ZBTB7B: variants seen among roughly 807,000 people sequenced by gnomAD.
ZBTB7B encodes the protein zinc finger and BTB domain-containing protein 7B.
A neutral mutation model predicts 31.0 loss-of-function variants in ZBTB7B; 8 were observed. The ratio of observed to expected loss-of-function variants is 0.26; its 90% CI spans 0.15 to 0.47. The LOEUF (loss-of-function observed/expected upper bound fraction) is 0.47, where lower values mean the gene tolerates loss of function less well. Ranked by LOEUF, ZBTB7B falls within the 20% of genes least tolerant of loss-of-function variation. The pLI is 0.99. For missense variants in ZBTB7B, 494 were observed against 742.4 expected, an observed-to-expected ratio of 0.67 and a Z score of 3.89; for synonymous variants, 261 against 307.3, an observed-to-expected ratio of 0.85 and a Z score of 1.58.
At chr1:155,012,673 G>A (rs778365926) in intron 1 of ZBTB7B, among the ~76,000 whole-genome samples, 5 of 151,960 alleles carry the variant, frequency 3.3e-5, no homozygotes, top group Admixed American at 6.6e-5. Context: ...ACATGCGGGT[G>A]CTGCTCACCC....
Position 155,014,682 on chromosome 1 carries a change from C to T in ZBTB7B, c.22C>T (p.Leu8=), listed in dbSNP as rs111950871. The change falls in exon 2 of 3, where the codon CTG becomes TTG. Residue 8 remains leucine, a synonymous_variant. Coordinates refer to ENST00000535420, the MANE Select transcript of ZBTB7B (RefSeq NM_001256455.2). ...GAAGATGGGGAGCCCCGAGGATGAC[C>T]TGATTGGGATTCCATTCCCGGACCA... MGSPEDD[L]IGIPFPDHSS... is the part of the protein sequence containing the mutation. 1.6e-4 allele frequency: 258 copies of T among 1,613,564 alleles called. 1 individual carries two copies. In the African/African-American group the frequency reaches 2.8e-3, roughly 18 times the overall value.
At chr1:155,013,756 C>T (rs562964268) in intron 1 of ZBTB7B, among the ~76,000 whole-genome samples, 6 of 97,138 alleles carry the variant, frequency 6.2e-5, no homozygotes, top group Non-Finnish European at 2.2e-5. Context: ...GGGGAGGGGG[C>T]GGGGGCGATG....
chr1:155,015,469 A>C lies in ZBTB7B; in HGVS notation c.809A>C (p.Tyr270Ser). ...TASPPEGPQS[Y>S]EPYEGEEEEE... ...TCCCCTCCTGAGGGTCCCCAGAGCT[A>C]CGAACCCTATGAGGGTGAGGAAGAA... is the stretch of plus-strand genomic sequence containing the variant. Residue 270 changes from tyrosine (Y) to serine (S), a missense_variant, in exon 2 of 3, where the codon TAC becomes TCC. Around this residue, in one of 5 missense-constraint regions of ZBTB7B, gnomAD observed 216 missense variants for 229.3 expected, o/e 0.94. Coordinates refer to ENST00000535420, the MANE Select transcript of ZBTB7B (RefSeq NM_001256455.2). The C allele has an allele frequency of 1.2e-6, 2 of 1,604,494 alleles. No individual in the cohort carries two copies. The highest frequency in any genetic ancestry group is 2.2e-5 in the South Asian group (2 of 90,378).
In ZBTB7B at chr1:155,016,394, C is replaced by T. The variant is rs146374595; in HGVS notation, c.1329C>T (p.Asp443=). The T allele has an allele frequency of 1.4e-3, 2,202 of 1,614,164 alleles. 25 individuals are homozygous for T. In the South Asian group the frequency reaches 0.015, roughly 11 times the overall value. Residue 443 remains aspartate (D), a synonymous_variant, in exon 3 of 3, where the codon GAC becomes GAT. Coordinates refer to ENST00000535420, the MANE Select transcript of ZBTB7B (RefSeq NM_001256455.2). The surrounding 1 kb of genome is among the most constrained non-coding windows in gnomAD (Gnocchi z 4.3). ...HLCHKAFAKE[D]HLQRHLKGQN... ...GCCACAAGGCTTTCGCCAAGGAGGA[C>T]CACCTGCAGCGCCACCTCAAAGGCC... is the stretch of plus-strand genomic sequence containing the variant.
intron 1 of ZBTB7B, chr1:155,010,998 C>T (rs1481790847): frequency 6.5e-7 from 1 of 1,535,502 alleles, no homozygotes. Flanking sequence ...CTCTCAGGCT[C>T]CCTGGCAGAG....
rs1205494311 is a variant in ZBTB7B at position 155,015,083 on chromosome 1, G to T, written c.423G>T (p.Leu141=). 5.0e-6 allele frequency: 8 copies of T among 1,613,658 alleles called. No homozygotes were observed. Among genetic ancestry groups the T allele is most frequent in the Non-Finnish European group, 5.9e-6 (7 of 1,180,038 alleles). The change falls in exon 2 of 3, where the codon CTG becomes CTT. Residue 141 remains leucine, a synonymous_variant. Coordinates refer to ENST00000535420, the MANE Select transcript of ZBTB7B (RefSeq NM_001256455.2). ...TCATCGCTGCTTGCATGGAGATTCT[G>T]CAGGGCAGTGGGCTAGAAGCTCCCA... The part of the protein sequence containing the change: ...PCVIAACMEI[L]QGSGLEAPSP...
chr1:155,011,343 T>C (rs895025045), intron 1 of ZBTB7B, among the ~76,000 whole-genome samples: 3 of 152,228 alleles, frequency 2.0e-5, no homozygotes, highest in African/African-American at 7.2e-5. Flanking sequence ...CTCCACCTTT[T>C]GGTTTCTTGG....
rs1558094332 is a variant in ZBTB7B at position 155,017,570 on chromosome 1, C to CATGA, written c.*885_*886insATGA. 2.6e-5 allele frequency: 4 copies of CATGA among 154,544 alleles called. No individual in the cohort carries two copies. The highest frequency in any genetic ancestry group is 9.6e-5 in the African/African-American group (4 of 41,490). The allele number at this position is 154,544 out of a possible 1,614,324, so 9.6% of individuals were successfully genotyped here. ...CGGAGCCGCCGCCACCGCTGCCGCC[C>CATGA]CTGACTCACGCCGCCCCCGGGCTGG... On this transcript the variant is annotated 3_prime_UTR_variant, in exon 3 of 3. Transcript: ENST00000535420.
chr1:155,017,315 G>A lies in ZBTB7B; in HGVS notation c.*630G>A, dbSNP rs1435907276. On this transcript the variant is annotated 3_prime_UTR_variant, in exon 3 of 3. Transcript: ENST00000535420. ...CTGAGTCATGGGGTCGTGGAGAAGG[G>A]GGCGGGGTGGCCTGATTGGCTCGCC... 2 of 131,716 alleles carry A rather than the reference G, an allele frequency of 1.5e-5. No homozygotes were observed. Among genetic ancestry groups the A allele is most frequent in the East Asian group, 4.2e-4 (2 of 4,748 alleles). The allele number at this position is 131,716 out of a possible 1,614,324, so 8.2% of individuals were successfully genotyped here.
Position 155,004,003 on chromosome 1 carries a change from G to T in ZBTB7B, c.-7+1060G>T, listed in dbSNP as rs1658409031. On this transcript the variant is annotated intron_variant, in intron 1 of 2. Coordinates refer to ENST00000535420, the MANE Select transcript of ZBTB7B (RefSeq NM_001256455.2). The surrounding 1 kb of genome is among the most constrained non-coding windows in gnomAD (Gnocchi z 4.0). ...AGAGAGGGCGGGTCCCCTGCCCCCC[G>T]CCCCGCACAACCCCCACGTATCAAA... 6.6e-6 allele frequency among the ~76,000 whole-genome samples: 1 copy of T among 152,130 alleles called. No individual in the cohort carries two copies. The highest frequency in any genetic ancestry group is 6.5e-5 in the Admixed American group (1 of 15,286).
In ZBTB7B at chr1:155,017,986, A is replaced by C; in HGVS notation, c.*1301A>C. 1 of 158,216 alleles carries C rather than the reference A, an allele frequency of 6.3e-6. No individual in the cohort carries two copies. Among genetic ancestry groups the C allele is most frequent in the South Asian group, 1.7e-4 (1 of 5,746 alleles). 9.8% of individuals were successfully genotyped at this position (158,216 alleles called of 1,614,324 possible). A position where few individuals can be genotyped will look rare whatever the true frequency, so the allele number is the denominator to read the frequency against. ...CTAGTTTCAGATTTTTAACTACCCA[A>C]TTCTGCTGGGGGTGGGGGACACCCC... On this transcript the variant is annotated 3_prime_UTR_variant, in exon 3 of 3. Coordinates refer to ENST00000535420, the MANE Select transcript of ZBTB7B (RefSeq NM_001256455.2).
chr1:155,007,828 T>G (rs1387227146), intron 1 of ZBTB7B, among the ~76,000 whole-genome samples: 11 of 152,026 alleles, frequency 7.2e-5, no homozygotes, highest in Non-Finnish European at 1.3e-4. Flanking sequence ...GCCAGCGGCA[T>G]TGAGCCAGCA....
At position 155,017,360 on chromosome 1, in the gene ZBTB7B, G is replaced by A. The variant is rs1009430618; in HGVS notation, c.*675G>A. ...CTCGCCTGCCCCTGGGGGCAGTAGA[G>A]GGGCCCCGCCCAGCTAGGGGAGCCG... On this transcript the variant is annotated 3_prime_UTR_variant, in exon 3 of 3. Transcript: ENST00000535420. 6.6e-6 allele frequency: 1 copy of A among 152,436 alleles called. No homozygotes were observed. The highest frequency in any genetic ancestry group is 2.4e-5 in the African/African-American group (1 of 41,416). The allele number at this position is 152,436 out of a possible 1,614,324, so 9.4% of individuals were successfully genotyped here. A position where few individuals can be genotyped will look rare whatever the true frequency, so the allele number is the denominator to read the frequency against.
chr1:155,011,060 G>A (rs1339961483), intron 1 of ZBTB7B: 1 of 1,458,420 alleles, frequency 6.9e-7, no homozygotes, highest in South Asian at 1.2e-5. Flanking sequence ...GCGTGCCTGT[G>A]TCCCAGGCCC....
At chr1:155,007,497 C>T (rs150107452) in intron 1 of ZBTB7B, among the ~76,000 whole-genome samples, 2,126 of 152,284 alleles carry the variant, frequency 0.014, 21 homozygotes, top group Non-Finnish European at 0.023. Flanking sequence ...GAGACACTGG[C>T]CCCCACCCTG....
chr1:155,018,419 C>T lies in ZBTB7B; in HGVS notation c.*1734C>T. 2 of 986,708 alleles carry T rather than the reference C, an allele frequency of 2.0e-6. No homozygotes were observed. Among genetic ancestry groups the T allele is most frequent in the Middle Eastern group, 3.3e-4 (1 of 3,026 alleles). 61.1% of individuals were successfully genotyped at this position (986,708 alleles called of 1,614,324 possible). ...CTACTTTCGGCTTTCCCAGTCAGTGCCTTAGGGGGAGAGGCACTCCCCCCC... is the reference window on the plus strand; with the variant it reads ...CTACTTTCGGCTTTCCCAGTCAGTGTCTTAGGGGGAGAGGCACTCCCCCCC... On this transcript the variant is annotated 3_prime_UTR_variant, in exon 3 of 3. Transcript: ENST00000535420.
Position 155,015,587 on chromosome 1 carries a change from C to T in ZBTB7B, c.927C>T (p.Ala309=). ...AGGAGCTGGGCTCAGATGAGGATGCCATCGATCCTGACCTGATGGCCTACC... is the reference window on the plus strand; with the variant it reads ...AGGAGCTGGGCTCAGATGAGGATGCTATCGATCCTGACCTGATGGCCTACC... ...SPEELGSDED[A]IDPDLMAYLS... Residue 309 remains alanine (A), a synonymous_variant, in exon 2 of 3, where the codon GCC becomes GCT. Coordinates refer to ENST00000535420, the MANE Select transcript of ZBTB7B (RefSeq NM_001256455.2). The T allele has an allele frequency of 6.2e-7, 1 of 1,613,684 alleles. No individual in the cohort carries two copies. Among genetic ancestry groups the T allele is most frequent in the Non-Finnish European group, 8.5e-7 (1 of 1,179,920 alleles).
Position 155,015,251 on chromosome 1 carries a change from T to C in ZBTB7B, c.591T>C (p.Val197=). Residue 197 remains valine (V), a synonymous_variant, in exon 2 of 3, where the codon GTT becomes GTC. Coordinates refer to ENST00000535420, the MANE Select transcript of ZBTB7B (RefSeq NM_001256455.2). Reference sequence around the variant, plus strand: ...CTCCGCCACCGCCACCTCGGCCTGTTGCCCGCCGCAGCCGCAAGCCCCGGA... The same window carrying C: ...CTCCGCCACCGCCACCTCGGCCTGTCGCCCGCCGCAGCCGCAAGCCCCGGA... ...PPPPPPPPRP[V]ARRSRKPRKA... The C allele has an allele frequency of 6.2e-7, 1 of 1,613,660 alleles. No individual in the cohort carries two copies. Among genetic ancestry groups the C allele is most frequent in the Non-Finnish European group, 8.5e-7 (1 of 1,179,966 alleles).
At chr1:155,005,728 C>T (rs886098973) in intron 1 of ZBTB7B, among the ~76,000 whole-genome samples, 5 of 152,218 alleles carry the variant, frequency 3.3e-5, no homozygotes, top group Admixed American at 1.3e-4. Context: ...TGGGGACAGG[C>T]AGATGGATAG....
Sources: allele counts gnomAD v4.1 joint callset (sites outside exome capture counted in the v4.1 genomes callset), GRCh38; gene constraint gnomAD v4.1.1; regional missense constraint gnomAD v4.1.1; non-coding constraint Gnocchi (gnomAD v3.1); transcripts MANE v1.5; gene names NCBI Gene and HGNC (gene_info 2026-07-23, HGNC 2026-07-21).